GPRC5B: variants seen among roughly 807,000 people sequenced by gnomAD.
The protein encoded by GPRC5B is G protein-coupled receptor family C group 5 member B.
Under a neutral mutation model 30.1 loss-of-function variants are expected in GPRC5B, and 16 were observed. That is an observed-to-expected ratio of 0.53 (90% CI 0.36 to 0.81). The LOEUF is 0.81. Among genes scored for constraint, GPRC5B ranks in the 30% least tolerant of loss-of-function variants. The pLI is 0.01. For synonymous variants in GPRC5B, 241 were observed against 239.5 expected (o/e 1.01, Z -0.06); for missense variants, 428 against 544.7 (o/e 0.79, Z 2.13).
chr16:19,859,465 A>C lies in GPRC5B; in HGVS notation c.*1035T>G, dbSNP rs373256195. On this transcript the variant is annotated 3_prime_UTR_variant, in exon 4 of 4. Coordinates refer to ENST00000300571, the MANE Select transcript of GPRC5B (RefSeq NM_016235.3). ...AATTTTCACCATAGCAACGGAAAGG[A>C]CCCGAGGTGTCACTGCTTGTGAGGC... 1 of 152,174 alleles carries C rather than the reference A, an allele frequency of 6.6e-6. No homozygotes were observed. Among genetic ancestry groups the C allele is most frequent in the Admixed American group, 6.5e-5 (1 of 15,276 alleles). 9.4% of individuals were successfully genotyped at this position (152,174 alleles called of 1,614,324 possible). A position where few individuals can be genotyped will look rare whatever the true frequency, so the allele number is the denominator to read the frequency against.
chr16:19,885,578 A>C (rs1597639841), upstream of GPRC5B: 2 of 1,062,066 alleles, frequency 1.9e-6, no homozygotes, highest in Non-Finnish European at 2.3e-6. This position sits in a 1 kb window ranked among gnomAD's most constrained non-coding sequence, Gnocchi z 5.3. Context: ...GATCGCCACC[A>C]CCCCTACCGC....
chr16:19,864,196 C>G (rs1386088561), intron 2 of GPRC5B, among the ~76,000 whole-genome samples: 1 of 152,222 alleles, frequency 6.6e-6, no homozygotes, highest in Non-Finnish European at 1.5e-5. Context: ...TGCATAGACC[C>G]TGCATGTGAT....
intron 2 of GPRC5B, 102 bp downstream of exon 2, chr16:19,871,714 C>G: frequency 9.7e-7 from 1 of 1,026,628 alleles, no homozygotes. Context: ...GCTAGGACTG[C>G]CCCAGGTACT....
In GPRC5B at chr16:19,872,382, G is replaced by A. The variant is rs759310942; in HGVS notation, c.464C>T (p.Thr155Met). The change falls in exon 2 of 4, where the codon ACG (threonine) becomes ATG (methionine). Residue 155 changes from threonine to methionine, a missense_variant. This residue lies in a region of GPRC5B where 196 missense variants were observed against 272.6 expected (regional missense o/e 0.72). Transcript: ENST00000300571. The surrounding 1 kb of genome is among the most constrained non-coding windows in gnomAD (Gnocchi z 5.0). ...WRVRRLVRHG[T>M]GPAGWQLVGL... ...CACCAGCTGCCAGCCCGCGGGGCCC[G>A]TGCCATGCCGCACCAGCCTCCGCAC... 3.6e-5 allele frequency: 58 copies of A among 1,613,300 alleles called. No individual in the cohort carries two copies. Among genetic ancestry groups the A allele is most frequent in the Admixed American group, 8.3e-5 (5 of 59,972 alleles).
chr16:19,873,606 C>T (rs943458981), intron 1 of GPRC5B, among the ~76,000 whole-genome samples: 2 of 152,110 alleles, frequency 1.3e-5, no homozygotes, highest in Non-Finnish European at 2.9e-5. Context: ...TAACAGCTAA[C>T]AGCCAGGAAT....
chr16:19,860,623 C>T (rs1416637332), intron 3 of GPRC5B, 79 bp from the exon 4 acceptor site: 10 of 893,678 alleles, frequency 1.1e-5, no homozygotes, highest in East Asian at 5.0e-5. Context: ...GCGTAAACAA[C>T]GCGGCAAAAA....
rs1289634866 is a variant in GPRC5B, at chr16:19,859,701, T to A, written c.*799A>T. On this transcript the variant is annotated 3_prime_UTR_variant, in exon 4 of 4. Transcript: ENST00000300571. ...CCGTAAGTGTAGGAACAGGGCGAGA[T>A]GATCAAGGGAAGAAGGGACTGCTGC... 2.0e-5 allele frequency: 3 copies of A among 152,682 alleles called. No homozygotes were observed. In the East Asian group the frequency reaches 5.8e-4, roughly 29 times the overall value. 9.5% of individuals were successfully genotyped at this position (152,682 alleles called of 1,614,324 possible).
chr16:19,856,860 G>T lies in GPRC5B; in HGVS notation c.*3640C>A. ...AATGTACAATGAACTCTAGTCCCAA[G>T]GAATACAGAAGTGCTCTTATTACCA... is the stretch of plus-strand genomic sequence containing the variant. On this transcript the variant is annotated 3_prime_UTR_variant, in exon 4 of 4. Coordinates refer to ENST00000300571, the MANE Select transcript of GPRC5B (RefSeq NM_016235.3). The T allele has an allele frequency of 3.5e-6, 1 of 289,572 alleles. No individual in the cohort carries two copies. Among genetic ancestry groups the T allele is most frequent in the Non-Finnish European group, 6.4e-6 (1 of 155,654 alleles). 17.9% of individuals were successfully genotyped at this position (289,572 alleles called of 1,614,324 possible).
At chr16:19,880,437 T>TAAAATAAAATAAAATAAAAC in intron 1 of GPRC5B, among the ~76,000 whole-genome samples, 1 of 107,966 alleles carries the variant, frequency 9.3e-6, no homozygotes, top group Admixed American at 8.5e-5. Context: ...ATAAATAAAA[T>TAAAATAAAATAAAATAAAAC]AAAATAAAAT....
chr16:19,885,095 G>T, upstream of GPRC5B: 1 of 857,490 alleles, frequency 1.2e-6, no homozygotes, highest in Non-Finnish European at 1.7e-6. The surrounding 1 kb of genome is among the most constrained non-coding windows in gnomAD (Gnocchi z 5.3). Flanking sequence ...CCCAATTCGG[G>T]GACATTCCCC....
rs1231764396 is a variant in GPRC5B at position 19,884,664 on chromosome 16, G to A, written c.-2+63C>T. Reference sequence around the variant, plus strand: ...GACCCCCCAATTCTCCCAAATCCACGGCGGGAAAAGTTTCTGGGGTCCCCA... The same window carrying A: ...GACCCCCCAATTCTCCCAAATCCACAGCGGGAAAAGTTTCTGGGGTCCCCA... On this transcript the variant is annotated intron_variant, in intron 1 of 3. Transcript: ENST00000300571. 5.1e-6 allele frequency: 5 copies of A among 980,244 alleles called. No individual in the cohort carries two copies. The East Asian group carries it at 4.6e-4, about 90-fold the overall frequency. 60.7% of individuals were successfully genotyped at this position (980,244 alleles called of 1,614,324 possible). A position where few individuals can be genotyped will look rare whatever the true frequency, so the allele number is the denominator to read the frequency against.
chr16:19,861,982 G>C lies in GPRC5B; in HGVS notation c.1031-9C>G, dbSNP rs1387278523. 1 of 1,613,626 alleles carries C rather than the reference G, an allele frequency of 6.2e-7. No individual in the cohort carries two copies. Among genetic ancestry groups the C allele is most frequent in the East Asian group, 2.2e-5 (1 of 44,886 alleles). Reference sequence around the variant, plus strand: ...TCCTGCTGTTCGGAGAGCTGGGGGAGGGAGGGATTGGCAAGACAACATTGC... The same window carrying C: ...TCCTGCTGTTCGGAGAGCTGGGGGACGGAGGGATTGGCAAGACAACATTGC... On this transcript the variant is annotated splice_polypyrimidine_tract_variant and intron_variant, in intron 2 of 3. Transcript: ENST00000300571.
chr16:19,878,220 CAAACAAAA>C (rs1232240470), intron 1 of GPRC5B, among the ~76,000 whole-genome samples: 35 of 149,732 alleles, frequency 2.3e-4, no homozygotes, highest in African/African-American at 7.4e-4. Context: ...AACAAACAAA[CAAACAAAA>C]AAACCCAAAG....
At chr16:19,882,418 A>C (rs1368566229) in intron 1 of GPRC5B, 1 of 152,210 alleles carries the variant, frequency 6.6e-6, no homozygotes, top group Non-Finnish European at 1.5e-5. Context: ...CGGAACCCCC[A>C]GGAAGCTCTG....
chr16:19,884,056 C>A (rs950095799), intron 1 of GPRC5B, among the ~76,000 whole-genome samples: 2 of 151,606 alleles, frequency 1.3e-5, no homozygotes, highest in African/African-American at 4.9e-5. Context: ...GGTCCAAGTG[C>A]CCCCTGTCTG....
intron 1 of GPRC5B, among the ~76,000 whole-genome samples, chr16:19,876,278 G>A (rs2056758584): frequency 6.6e-6 from 1 of 152,248 alleles, no homozygotes; most frequent in Non-Finnish European, 1.5e-5. Context: ...TAGGGAGGGA[G>A]ATGCAATTGG....
intron 1 of GPRC5B, among the ~76,000 whole-genome samples, chr16:19,878,620 T>C (rs1004158407): frequency 6.6e-6 from 1 of 152,236 alleles, no homozygotes; most frequent in Non-Finnish European, 1.5e-5. Context: ...ATTACTCTTT[T>C]GGTCTGTTCC....
chr16:19,866,343 T>A (rs2056666588), intron 2 of GPRC5B, among the ~76,000 whole-genome samples: 1 of 152,110 alleles, frequency 6.6e-6, no homozygotes, highest in East Asian at 1.9e-4. Context: ...AAGAAATTTT[T>A]GTTTATTATT....
intron 2 of GPRC5B, among the ~76,000 whole-genome samples, chr16:19,868,793 G>A (rs1348336361): frequency 6.6e-6 from 1 of 152,178 alleles, no homozygotes. Flanking sequence ...GGGGGAGGGG[G>A]CCCATCCACG....
Sources: gnomAD v4.1 joint callset for allele counts (sites outside exome capture counted in the v4.1 genomes callset) on GRCh38, gnomAD v4.1.1 for gene constraint, gnomAD v4.1.1 regional missense constraint, Gnocchi (gnomAD v3.1) non-coding constraint, MANE v1.5 for transcripts, NCBI Gene and HGNC (gene_info 2026-07-23, HGNC 2026-07-21) for gene names.